The following TMIE variants were observed in gnomAD, a reference collection of about 807,000 sequenced individuals.
TMIE encodes transmembrane inner ear.
Under a neutral mutation model 16.8 loss-of-function variants are expected in TMIE, and 14 were observed. The observed-to-expected ratio is 0.83, with a 90% confidence interval of 0.55 to 1.30. The LOEUF (loss-of-function observed/expected upper bound fraction) is 1.30, where lower values mean the gene tolerates loss of function less well. Ranked by LOEUF, TMIE falls within the 50% of genes most tolerant of loss-of-function variation. The pLI is 0.00. For missense variants in TMIE, 204 were observed against 205.9 expected, an observed-to-expected ratio of 0.99 and a Z score of 0.06; for synonymous variants, 75 against 87.2, an observed-to-expected ratio of 0.86 and a Z score of 0.78.
chr3:46,704,479 G>T (rs1268578255), intron 1 of TMIE, among the ~76,000 whole-genome samples: 1 of 124,530 alleles, frequency 8.0e-6, no homozygotes, highest in Non-Finnish European at 1.6e-5. Context: ...GCAGGACCAT[G>T]TCCCTAGATG....
chr3:46,699,698 A>G (rs1575467229), upstream of TMIE, among the ~76,000 whole-genome samples: 3 of 152,308 alleles, frequency 2.0e-5, no homozygotes, highest in Admixed American at 2.0e-4. Context: ...TTTCTTTCAG[A>G]TTTCTTCACT....
rs1051553580 is a variant in TMIE, at chr3:46,705,688, T to C, written c.94-102T>C. ...TAAGAGAGTTGATTCTAGGAGATTC[T>C]GATATGCTTGGGCTGAGTGTTTGCT... On this transcript the variant is annotated intron_variant, in intron 1 of 3. Transcript: ENST00000643606. 57 of 963,332 alleles carry C rather than the reference T, an allele frequency of 5.9e-5. 1 individual carries two copies. The highest frequency in any genetic ancestry group is 6.1e-4 in the Middle Eastern group (2 of 3,274). 59.7% of individuals were successfully genotyped at this position (963,332 alleles called of 1,614,324 possible).
At chr3:46,708,702 T>C (rs1700581904) in intron 2 of TMIE, among the ~76,000 whole-genome samples, 1 of 152,214 alleles carries the variant, frequency 6.6e-6, no homozygotes, top group African/African-American at 2.4e-5. Flanking sequence ...GAGGCAACTT[T>C]GGCCTAGCTC....
At chr3:46,701,277 GC>G (rs1700469937), upstream of TMIE, 1 of 443,544 alleles carries the variant, frequency 2.3e-6, no homozygotes, top group African/African-American at 2.1e-5. The surrounding 1 kb of genome is among the most constrained non-coding windows in gnomAD (Gnocchi z 4.3). Context: ...GGAGCCTGCG[GC>G]CCGATCTCCC....
At chr3:46,697,650 C>T (rs1326071341), upstream of TMIE, among the ~76,000 whole-genome samples, 2 of 152,168 alleles carry the variant, frequency 1.3e-5, no homozygotes, top group African/African-American at 2.4e-5. Context: ...GGAACCCCAG[C>T]GTGAAGCCAG....
intron 2 of TMIE, among the ~76,000 whole-genome samples, chr3:46,706,659 C>T (rs1700556236): frequency 6.6e-6 from 1 of 152,068 alleles, no homozygotes; most frequent in Non-Finnish European, 1.5e-5. Flanking sequence ...AAAGGCATCA[C>T]AGAGGAGGGT....
At chr3:46,700,402 C>G (rs1224008169), upstream of TMIE, among the ~76,000 whole-genome samples, 1 of 152,210 alleles carries the variant, frequency 6.6e-6, no homozygotes, top group Non-Finnish European at 1.5e-5. Flanking sequence ...CAGGGTCTCC[C>G]TGGTTCTCAG....
At chr3:46,698,257 G>A (rs1399292683), upstream of TMIE, among the ~76,000 whole-genome samples, 1 of 152,056 alleles carries the variant, frequency 6.6e-6, no homozygotes, top group Non-Finnish European at 1.5e-5. Context: ...TGTTAGCCAG[G>A]ATGGTCTCGA....
chr3:46,701,560 G>T lies in TMIE; in HGVS notation c.73G>T (p.Val25Phe). The change falls in exon 1 of 4, where the codon GTT (valine) becomes TTT (phenylalanine). Residue 25 changes from valine (V) to phenylalanine (F), a missense_variant. Coordinates refer to ENST00000643606, the MANE Select transcript of TMIE (RefSeq NM_147196.3). This position sits in a 1 kb window ranked among gnomAD's most constrained non-coding sequence, Gnocchi z 4.3. ...GAALGVCLAG[V>F]AGQLVEPSTA... ...CGCACTCGGGGTGTGCCTCGCGGGG[G>T]TTGCCGGGCAGCTGGTGGAGGTGAG... 2.3e-6 allele frequency: 3 copies of T among 1,287,152 alleles called. No individual in the cohort carries two copies. Among genetic ancestry groups the T allele is most frequent in the Non-Finnish European group, 2.9e-6 (3 of 1,020,074 alleles). 79.7% of individuals were successfully genotyped at this position (1,287,152 alleles called of 1,614,324 possible). A position where few individuals can be genotyped will look rare whatever the true frequency, so the allele number is the denominator to read the frequency against.
At chr3:46,703,103 G>A (rs976232460) in intron 1 of TMIE, among the ~76,000 whole-genome samples, 34 of 152,172 alleles carry the variant, frequency 2.2e-4, no homozygotes, top group African/African-American at 6.8e-4. Context: ...CTTCCCTCAC[G>A]GAAGCACCAA....
upstream of TMIE, among the ~76,000 whole-genome samples, chr3:46,696,756 C>A (rs1313466348): frequency 6.6e-6 from 1 of 152,168 alleles, no homozygotes; most frequent in Non-Finnish European, 1.5e-5. Context: ...TGGACTGGGT[C>A]CCTACAGGAA....
At chr3:46,701,229 A>C, upstream of TMIE, 3 of 354,964 alleles carry the variant, frequency 8.5e-6, no homozygotes, top group Middle Eastern at 7.9e-4. The surrounding 1 kb of genome is among the most constrained non-coding windows in gnomAD (Gnocchi z 4.3). Context: ...CCCCCACCTC[A>C]GTGTCCCTGG....
chr3:46,704,157 CCCCTAGACACCCAGGGTGGACCATGT>C (rs1700512681), intron 1 of TMIE, among the ~76,000 whole-genome samples: 2 of 149,778 alleles, frequency 1.3e-5, no homozygotes, highest in Non-Finnish European at 3.0e-5. Flanking sequence ...AGGACCGTGT[CCCCTAGACACCCAGGGTGGACCATGT>C]CCCTAGACAC....
chr3:46,708,462 C>T lies in TMIE; in HGVS notation c.212-664C>T, dbSNP rs189453999. Among the ~76,000 whole-genome samples, 926 of 152,344 alleles carry T rather than the reference C, an allele frequency of 6.1e-3. 5 individuals carry two copies. Among genetic ancestry groups the T allele is most frequent in the Non-Finnish European group, 9.8e-3 (668 of 68,030 alleles). On this transcript the variant is annotated intron_variant, in intron 2 of 3. Coordinates refer to ENST00000643606, the MANE Select transcript of TMIE (RefSeq NM_147196.3). ...CTCAGTCCAGCCAGGTCCTGGCAGCCCTAACCTGCCCTACCCATCCCTAGA... is the reference window on the plus strand; with the variant it reads ...CTCAGTCCAGCCAGGTCCTGGCAGCTCTAACCTGCCCTACCCATCCCTAGA...
chr3:46,707,843 G>T (rs909585743), intron 2 of TMIE, among the ~76,000 whole-genome samples: 1 of 152,208 alleles, frequency 6.6e-6, no homozygotes, highest in African/African-American at 2.4e-5. Context: ...TCCCAAGGAG[G>T]TTCCTGGTGG....
intron 1 of TMIE, among the ~76,000 whole-genome samples, chr3:46,696,137 G>A (rs1344973833): frequency 6.6e-6 from 1 of 152,166 alleles, no homozygotes; most frequent in African/African-American, 2.4e-5. Flanking sequence ...GGAATGGGTG[G>A]GTCCCTGTGC....
At chr3:46,701,294 G>A, upstream of TMIE, 2 of 450,228 alleles carry the variant, frequency 4.4e-6, no homozygotes, top group Non-Finnish European at 7.8e-6. The surrounding 1 kb of genome is among the most constrained non-coding windows in gnomAD (Gnocchi z 4.3). Flanking sequence ...CTCCCGGGAA[G>A]GAGGGGGCGG....
At chr3:46,693,808 G>A (rs1700324110), upstream of TMIE, 1 of 151,888 alleles carries the variant, frequency 6.6e-6, no homozygotes, top group African/African-American at 2.4e-5. Context: ...GCCACGGGCG[G>A]GCCACCGAGG....
At chr3:46,701,031 G>GCC (rs34094160), upstream of TMIE, among the ~76,000 whole-genome samples, 212 of 146,320 alleles carry the variant, frequency 1.4e-3, 2 homozygotes, top group African/African-American at 5.0e-3. This position sits in a 1 kb window ranked among gnomAD's most constrained non-coding sequence, Gnocchi z 4.3. Context: ...TGCCCGCTCT[G>GCC]CCCCCCCCCC....
Sources: allele counts gnomAD v4.1 joint callset (sites outside exome capture counted in the v4.1 genomes callset), GRCh38; gene constraint gnomAD v4.1.1; non-coding constraint Gnocchi (gnomAD v3.1); transcripts MANE v1.5; gene names NCBI Gene and HGNC (gene_info 2026-07-23, HGNC 2026-07-21).